Variants in RNF216 observed in about 807,000 individuals in gnomAD.
RNF216 encodes ring finger protein 216.
In RNF216, 72 loss-of-function variants were observed where a neutral mutation model predicts 110.8. That is an observed-to-expected ratio of 0.65 (90% CI 0.54 to 0.79). The LOEUF (loss-of-function observed/expected upper bound fraction) is 0.79. Ranked by LOEUF, RNF216 falls within the 30% of genes least tolerant of loss-of-function variation. The pLI is 0.00. For synonymous variants in RNF216, 495 were observed against 407.5 expected (o/e 1.21, Z -2.59); for missense variants, 1,342 against 1,141.2 (o/e 1.18, Z -2.54).
Position 5,623,509 on chromosome 7 carries a change from G to A in RNF216, c.2453-330C>T, listed in dbSNP as rs1046861298. On this transcript the variant is annotated intron_variant, in intron 16 of 16. Transcript: ENST00000389902. ...TAGATGGGGTTTTGCCATGTTGCCC[G>A]GGCTGGTCTCAAACTCCTGGGCTCA... is the stretch of plus-strand genomic sequence containing the variant. 4.0e-5 allele frequency among the ~76,000 whole-genome samples: 6 copies of A among 151,358 alleles called. No homozygotes were observed. In the East Asian group the frequency reaches 5.8e-4, roughly 15 times the overall value.
In RNF216 at chr7:5,736,028, G is replaced by A. The variant is rs374258339; in HGVS notation, c.1121+3248C>T. Among the ~76,000 whole-genome samples the A allele has an allele frequency of 3.6e-4, 55 of 152,300 alleles. 3 individuals are homozygous for A. The East Asian group carries it at 6.8e-3, about 19-fold the overall frequency. On this transcript the variant is annotated intron_variant, in intron 5 of 16. Coordinates refer to ENST00000389902, the MANE Select transcript of RNF216 (RefSeq NM_207111.4). ...GAATCACTTGAACCTGGGAGATGGA[G>A]GCTGCAGTGAGCTGAGATCACACCA... is the stretch of plus-strand genomic sequence containing the variant.
rs1222389817 is a variant in RNF216, at chr7:5,620,880, T to C, written c.*1980A>G. On this transcript the variant is annotated 3_prime_UTR_variant, in exon 17 of 17. Coordinates refer to ENST00000389902, the MANE Select transcript of RNF216 (RefSeq NM_207111.4). The stretch of plus-strand genomic sequence containing the variant: ...CCTGAGGTCACCTCTTCAGCTGTGA[T>C]GTCTACAGCCGCCCTCTGCTCCCAG... 6.6e-6 allele frequency: 1 copy of C among 152,274 alleles called. No individual in the cohort carries two copies. Among genetic ancestry groups the C allele is most frequent in the African/African-American group, 2.4e-5 (1 of 41,446 alleles). 9.4% of individuals were successfully genotyped at this position (152,274 alleles called of 1,614,324 possible). A position where few individuals can be genotyped will look rare whatever the true frequency, so the allele number is the denominator to read the frequency against.
At chr7:5,727,092 T>C (rs951900299) in intron 7 of RNF216, among the ~76,000 whole-genome samples, 1 of 152,138 alleles carries the variant, frequency 6.6e-6, no homozygotes, top group African/African-American at 2.4e-5. Flanking sequence ...CAGGGCAGGC[T>C]GGGGTCCCAG....
In RNF216 at chr7:5,624,517, G is replaced by T. The variant is rs1786589050; in HGVS notation, c.2383-392C>A. 6.6e-6 allele frequency among the ~76,000 whole-genome samples: 1 copy of T among 152,232 alleles called. No homozygotes were observed. The highest frequency in any genetic ancestry group is 1.5e-5 in the Non-Finnish European group (1 of 68,042). On this transcript the variant is annotated intron_variant, in intron 15 of 16. Coordinates refer to ENST00000389902, the MANE Select transcript of RNF216 (RefSeq NM_207111.4). The surrounding 1 kb of genome is among the most constrained non-coding windows in gnomAD (Gnocchi z 4.4). ...CAGATCCCAAGTCCACAAGCGCTCG[G>T]CATGGCAGCCTGTCTGCAGAGCCTG...
chr7:5,685,378 T>C lies in RNF216; in HGVS notation c.2061+26383A>G, dbSNP rs138838436. On this transcript the variant is annotated intron_variant, in intron 13 of 16. Transcript: ENST00000389902. ...GTCCATGCTCTGTTGGCCTGTGTTC[T>C]CTCCTCCTCCCCACAGAAGCCCTGG... Among the ~76,000 whole-genome samples, 678 of 152,224 alleles carry C rather than the reference T, an allele frequency of 4.5e-3. 16 individuals are homozygous for C. In the South Asian group the frequency reaches 0.045, roughly 10 times the overall value.
intron 13 of RNF216, among the ~76,000 whole-genome samples, chr7:5,704,718 T>G (rs935172934): frequency 6.6e-6 from 1 of 152,228 alleles, no homozygotes; most frequent in Non-Finnish European, 1.5e-5. Context: ...CTCTCCTTTC[T>G]CATCCAAAGG....
intron 13 of RNF216, among the ~76,000 whole-genome samples, chr7:5,664,616 C>T (rs956206733): frequency 1.3e-5 from 2 of 152,104 alleles, no homozygotes; most frequent in Admixed American, 1.3e-4. Context: ...ACTGGAAATG[C>T]GCATTCTGCC....
At chr7:5,637,906 C>T (rs1198955361) in intron 15 of RNF216, among the ~76,000 whole-genome samples, 4 of 152,156 alleles carry the variant, frequency 2.6e-5, no homozygotes, top group East Asian at 1.9e-4. Context: ...AGTGCGGTGG[C>T]GCGATCTTGG....
chr7:5,656,972 C>G (rs541839730), intron 13 of RNF216, among the ~76,000 whole-genome samples: 23 of 152,298 alleles, frequency 1.5e-4, no homozygotes, highest in African/African-American at 5.3e-4. Flanking sequence ...AAAAGAAAAT[C>G]TGAGCCCACA....
chr7:5,781,460 C>G (rs982895278), intron 1 of RNF216, 81 bp downstream of exon 1: 1 of 151,440 alleles, frequency 6.6e-6, no homozygotes, highest in African/African-American at 2.4e-5. Flanking sequence ...CCCGGAGCTC[C>G]ACAGAGGCGC....
At chr7:5,767,166 G>A (rs1424877651) in intron 1 of RNF216, among the ~76,000 whole-genome samples, 1 of 152,144 alleles carries the variant, frequency 6.6e-6, no homozygotes, top group Non-Finnish European at 1.5e-5. Flanking sequence ...ACTACAGAAA[G>A]GACGAATATA....
chr7:5,748,378 A>T (rs1795147094), intron 3 of RNF216, among the ~76,000 whole-genome samples: 1 of 152,064 alleles, frequency 6.6e-6, no homozygotes. Context: ...GAAACAAGCT[A>T]AATTCCAAGT....
At chr7:5,724,044 A>C (rs534599016) in intron 8 of RNF216, among the ~76,000 whole-genome samples, 2 of 152,328 alleles carry the variant, frequency 1.3e-5, no homozygotes, top group Admixed American at 6.5e-5. Context: ...AATCAAATGA[A>C]ATGAAGTTAA....
chr7:5,779,599 G>T (rs925418796), intron 1 of RNF216, among the ~76,000 whole-genome samples: 1 of 150,984 alleles, frequency 6.6e-6, no homozygotes, highest in Non-Finnish European at 1.5e-5. Flanking sequence ...TTGTGCTTTG[G>T]GAGGCTGAGG....
At chr7:5,738,961 G>C (rs1279241476) in intron 5 of RNF216, among the ~76,000 whole-genome samples, 2 of 152,142 alleles carry the variant, frequency 1.3e-5, no homozygotes, top group East Asian at 1.9e-4. Flanking sequence ...AATGCCAAGT[G>C]AAATAAGCCA....
intron 13 of RNF216, among the ~76,000 whole-genome samples, chr7:5,702,154 G>T (rs926946343): frequency 6.6e-6 from 1 of 152,170 alleles, no homozygotes; most frequent in African/African-American, 2.4e-5. Context: ...ACCTGCCGGG[G>T]GGTCAGCAGT....
At chr7:5,775,116 T>C (rs1190551321) in intron 1 of RNF216, 2 of 152,076 alleles carry the variant, frequency 1.3e-5, no homozygotes. Flanking sequence ...AAAAACTTCT[T>C]CCTCTGTCAA....
In RNF216 at chr7:5,741,030, C is replaced by A. The variant is rs2128653379; in HGVS notation, c.987G>T (p.Trp329Cys). The change falls in exon 4 of 17, where the codon TGG becomes TGT. Residue 329 changes from tryptophan to cysteine, a missense_variant. Transcript: ENST00000389902. ...GATCTACCTCTGCAGCTTCTTGCCC[C>A]CAAATGTTTTCCAAATTGGGCTCTT... ...ESQEPNLENI[W>C]GQEAAEVDQE... 1 of 1,613,986 alleles carries A rather than the reference C, an allele frequency of 6.2e-7. No individual in the cohort carries two copies.
intron 15 of RNF216, among the ~76,000 whole-genome samples, chr7:5,629,230 G>C (rs1786905793): frequency 6.6e-6 from 1 of 150,830 alleles, no homozygotes; most frequent in Non-Finnish European, 1.5e-5. Flanking sequence ...CAATTCCAGT[G>C]CTTTGGGAGG....
Sources: gnomAD v4.1 joint callset for allele counts (sites outside exome capture counted in the v4.1 genomes callset) on GRCh38, gnomAD v4.1.1 for gene constraint, Gnocchi (gnomAD v3.1) non-coding constraint, MANE v1.5 for transcripts, NCBI Gene and HGNC (gene_info 2026-07-23, HGNC 2026-07-21) for gene names.